Variants in TFPI observed in about 807,000 individuals in gnomAD.
TFPI encodes the protein anti-convertin.
Under a neutral mutation model 34.6 loss-of-function variants are expected in TFPI, and 15 were observed. The ratio of observed to expected loss-of-function variants is 0.43; its 90% CI spans 0.29 to 0.67. TFPI has a LOEUF of 0.67. TFPI is among the 30% of genes least tolerant of loss of function. The pLI, the probability that TFPI is intolerant of heterozygous loss-of-function variation, is 0.15. For synonymous variants in TFPI, 105 were observed against 120.1 expected, an observed-to-expected ratio of 0.87 and a Z score of 0.82; for missense variants, 301 against 364.0, an observed-to-expected ratio of 0.83 and a Z score of 1.41.
At chr2:187,485,756 A>C (rs1358779577) in intron 4 of TFPI, among the ~76,000 whole-genome samples, 1 of 151,736 alleles carries the variant, frequency 6.6e-6, no homozygotes, top group Non-Finnish European at 1.5e-5. Context: ...GTCTACATGC[A>C]TGCACTGTGA....
At chr2:187,497,688 C>G (rs1261883063) in intron 2 of TFPI, among the ~76,000 whole-genome samples, 2 of 151,792 alleles carry the variant, frequency 1.3e-5, no homozygotes, top group African/African-American at 4.8e-5. Context: ...TGAGGCAATT[C>G]TTTTGACTTC....
chr2:187,494,538 G>A (rs1225693896), intron 3 of TFPI, among the ~76,000 whole-genome samples: 1 of 152,018 alleles, frequency 6.6e-6, no homozygotes, highest in Non-Finnish European at 1.5e-5. Context: ...TTTACATTTT[G>A]TCCAGTTTTA....
intron 1 of TFPI, among the ~76,000 whole-genome samples, chr2:187,533,466 G>A (rs564844501): frequency 2.3e-4 from 35 of 152,108 alleles, no homozygotes; most frequent in East Asian, 3.9e-4. Flanking sequence ...GACCTGCAGC[G>A]GAGGGACCTG....
chr2:187,522,725 T>TCC (rs1232767979), intron 1 of TFPI, among the ~76,000 whole-genome samples: 9 of 37,226 alleles, frequency 2.4e-4, no homozygotes, highest in Non-Finnish European at 4.3e-4. Context: ...CTACTAAAAA[T>TCC]ACAAAAAAAA....
chr2:187,546,204 T>C (rs1302794044), intron 1 of TFPI, among the ~76,000 whole-genome samples: 1 of 152,000 alleles, frequency 6.6e-6, no homozygotes, highest in Admixed American at 6.5e-5. Flanking sequence ...CTGTTCTATG[T>C]ATAGTTGTCC....
intron 1 of TFPI, among the ~76,000 whole-genome samples, chr2:187,550,123 G>A (rs190865268): frequency 1.3e-4 from 20 of 152,184 alleles, no homozygotes; most frequent in Admixed American, 5.9e-4. Flanking sequence ...ATATAGTACC[G>A]AACGTCAGAG....
chr2:187,466,596 ACATGAT>A lies in TFPI; in HGVS notation c.*334_*339del, dbSNP rs2105938580. On this transcript the variant is annotated 3_prime_UTR_variant, in exon 8 of 8. Transcript: ENST00000233156. ...CAGGCTATAAAGGAGATAATCATTT[ACATGAT>A]CATATTCTCAAACAGATGGTCACCA... The A allele has an allele frequency of 5.7e-6, 1 of 174,922 alleles. No homozygotes were observed. The highest frequency in any genetic ancestry group is 1.3e-4 in the South Asian group (1 of 7,776). 10.8% of individuals were successfully genotyped at this position (174,922 alleles called of 1,614,324 possible).
At chr2:187,502,309 A>T (rs927845279) in intron 2 of TFPI, among the ~76,000 whole-genome samples, 3 of 152,172 alleles carry the variant, frequency 2.0e-5, no homozygotes, top group Non-Finnish European at 4.4e-5. Context: ...TCATTTTCTC[A>T]GTCCAGTTGA....
intron 1 of TFPI, among the ~76,000 whole-genome samples, chr2:187,537,728 A>C (rs1465790682): frequency 6.6e-6 from 1 of 152,244 alleles, no homozygotes; most frequent in East Asian, 1.9e-4. Flanking sequence ...AAAAGCCAAA[A>C]TTGACAAATG....
At chr2:187,551,247 A>G (rs1689085972) in intron 1 of TFPI, among the ~76,000 whole-genome samples, 1 of 152,170 alleles carries the variant, frequency 6.6e-6, no homozygotes, top group Non-Finnish European at 1.5e-5. Context: ...CAATTGGGAT[A>G]GTTGTACTGC....
In TFPI at chr2:187,510,673, T is replaced by C. The variant is rs112557251; in HGVS notation, c.-2-6903A>G. The stretch of plus-strand genomic sequence containing the variant: ...TTATGTCATCTATAGATTCCAGACA[T>C]TGTATGGAAAAGCACTGTGACAATC... On this transcript the variant is annotated intron_variant, in intron 1 of 7. Coordinates refer to ENST00000233156, the MANE Select transcript of TFPI (RefSeq NM_006287.6). Among the ~76,000 whole-genome samples, 777 of 152,302 alleles carry C rather than the reference T, an allele frequency of 5.1e-3. 3 individuals are homozygous for C. Among genetic ancestry groups the C allele is most frequent in the Non-Finnish European group, 8.1e-3 (552 of 68,028 alleles).
Position 187,484,955 on chromosome 2 carries a change from G to A in TFPI, c.391C>T (p.Pro131Ser), listed in dbSNP as rs868175148. The stretch of plus-strand genomic sequence containing the variant: ...GTAATATAACCTCGACATATTCCAG[G>A]ATCTTCTTCCAAAAAGCAGAAATCT... ...KPDFCFLEED[P>S]GICRGYITRY... Residue 131 changes from proline (P) to serine (S), a missense_variant, in exon 5 of 8, where the codon CCT (proline) becomes TCT (serine). Pro to Ser is a moderately conservative substitution (Grantham distance 74). Transcript: ENST00000233156. The A allele has an allele frequency of 6.6e-7, 1 of 1,507,746 alleles. No individual in the cohort carries two copies. Among genetic ancestry groups the A allele is most frequent in the Non-Finnish European group, 8.8e-7 (1 of 1,130,116 alleles). The allele number at this position is 1,507,746 out of a possible 1,614,324, so 93.4% of individuals were successfully genotyped here. A position where few individuals can be genotyped will look rare whatever the true frequency, so the allele number is the denominator to read the frequency against.
At chr2:187,514,793 A>G (rs1250640398) in intron 1 of TFPI, 2 of 152,240 alleles carry the variant, frequency 1.3e-5, no homozygotes, top group Non-Finnish European at 2.9e-5. Context: ...TTCAACTCTC[A>G]CATCTATTTA....
At chr2:187,514,585 A>G (rs1686865269) in intron 1 of TFPI, 1 of 152,202 alleles carries the variant, frequency 6.6e-6, no homozygotes, top group African/African-American at 2.4e-5. Context: ...TCAAGAGCTT[A>G]TCAATCAGTC....
chr2:187,538,356 C>A (rs1268191930), intron 1 of TFPI, among the ~76,000 whole-genome samples: 1 of 152,126 alleles, frequency 6.6e-6, no homozygotes, highest in East Asian at 1.9e-4. Flanking sequence ...CAATGATAGA[C>A]TGGATAAAGA....
chr2:187,509,774 T>A (rs1686492769), intron 1 of TFPI, among the ~76,000 whole-genome samples: 1 of 152,152 alleles, frequency 6.6e-6, no homozygotes, highest in Non-Finnish European at 1.5e-5. Context: ...TTTTGAAAGG[T>A]TTTTCCTGTC....
At chr2:187,500,985 C>G (rs1427344185) in intron 2 of TFPI, among the ~76,000 whole-genome samples, 1 of 152,172 alleles carries the variant, frequency 6.6e-6, no homozygotes, top group Non-Finnish European at 1.5e-5. Flanking sequence ...CATATAGACA[C>G]TAAGGACTTA....
chr2:187,467,618 T>G (rs1487121589), intron 7 of TFPI, 135 bp downstream of exon 7: 3 of 731,578 alleles, frequency 4.1e-6, no homozygotes, highest in African/African-American at 1.8e-5. Context: ...TAAATGTAAT[T>G]GAAGAGGACA....
chr2:187,518,025 T>G (rs548132877), intron 1 of TFPI: 1 of 152,364 alleles, frequency 6.6e-6, no homozygotes, highest in African/African-American at 2.4e-5. Flanking sequence ...ATTTTGAGCC[T>G]ATGTGTGTCT....
Sources: allele counts gnomAD v4.1 joint callset (sites outside exome capture counted in the v4.1 genomes callset), GRCh38; gene constraint gnomAD v4.1.1; transcripts MANE v1.5; gene names NCBI Gene and HGNC (gene_info 2026-07-23, HGNC 2026-07-21).